TBCK: variants seen among roughly 807,000 people sequenced by gnomAD.
The protein encoded by TBCK is TBC domain-containing protein kinase-like protein.
A neutral mutation model predicts 113.4 loss-of-function variants in TBCK; 99 were observed. The observed-to-expected ratio is 0.87, with a 90% CI of 0.74 to 1.03. TBCK has a LOEUF of 1.03. TBCK is among the 50% of genes least tolerant of loss of function. TBCK has a pLI of 0.00. For synonymous variants in TBCK, 369 were observed against 370.8 expected (o/e 1.00, Z 0.05); for missense variants, 1,045 against 1,061.3 (o/e 0.98, Z 0.21).
At chr4:106,226,834 C>T (rs1464328575) in intron 19 of TBCK, among the ~76,000 whole-genome samples, 1 of 151,986 alleles carries the variant, frequency 6.6e-6, no homozygotes, top group East Asian at 1.9e-4. Flanking sequence ...TAATAAACAT[C>T]ACTGATAAGG....
chr4:106,236,892 C>G, intron 12 of TBCK, 84 bp from the exon 13 acceptor site: 2 of 694,226 alleles, frequency 2.9e-6, no homozygotes, highest in Non-Finnish European at 4.4e-6. Context: ...AGTAATATAA[C>G]AACTATAAAT....
chr4:106,201,033 T>A (rs1754827608), intron 20 of TBCK, among the ~76,000 whole-genome samples: 1 of 152,044 alleles, frequency 6.6e-6, no homozygotes, highest in African/African-American at 2.4e-5. Flanking sequence ...ATACCTATAC[T>A]TTGATAATAA....
intron 25 of TBCK, among the ~76,000 whole-genome samples, chr4:106,073,421 G>A (rs1039715701): frequency 2.0e-5 from 3 of 152,196 alleles, no homozygotes; most frequent in African/African-American, 7.2e-5. Flanking sequence ...GGTATCACCA[G>A]CGGAGGCTGA....
chr4:106,110,019 T>C (rs1251992255), intron 24 of TBCK, among the ~76,000 whole-genome samples: 1 of 152,182 alleles, frequency 6.6e-6, no homozygotes, highest in Admixed American at 6.5e-5. Context: ...TCTAGATAAG[T>C]TAGTTTATTT....
At chr4:106,075,423 A>G (rs572271582) in intron 25 of TBCK, among the ~76,000 whole-genome samples, 2 of 152,334 alleles carry the variant, frequency 1.3e-5, no homozygotes, top group African/African-American at 2.4e-5. Context: ...CTGGTTTCTG[A>G]TAAGTATGAT....
intron 3 of TBCK, among the ~76,000 whole-genome samples, chr4:106,278,892 G>A (rs1450300564): frequency 6.6e-6 from 1 of 151,756 alleles, no homozygotes; most frequent in Non-Finnish European, 1.5e-5. Flanking sequence ...ATATAGCTAA[G>A]AAGAAAAGAT....
chr4:106,276,552 CAAT>C (rs994061978), intron 3 of TBCK, among the ~76,000 whole-genome samples: 6 of 151,930 alleles, frequency 3.9e-5, no homozygotes, highest in Admixed American at 6.6e-5. Flanking sequence ...TCTCTAAATA[CAAT>C]AATAATAATA....
intron 2 of TBCK, among the ~76,000 whole-genome samples, chr4:106,298,139 T>G (rs547710874): frequency 6.6e-6 from 1 of 152,336 alleles, no homozygotes; most frequent in Non-Finnish European, 1.5e-5. Context: ...ATAATTTGTA[T>G]GCATTCTTAT....
intron 2 of TBCK, among the ~76,000 whole-genome samples, chr4:106,305,121 A>G (rs1030641884): frequency 1.3e-5 from 2 of 152,106 alleles, no homozygotes; most frequent in Non-Finnish European, 2.9e-5. Context: ...CCTACCATTA[A>G]GCATCAGAGA....
At chr4:106,215,797 G>C (rs1756818140) in intron 19 of TBCK, among the ~76,000 whole-genome samples, 1 of 151,152 alleles carries the variant, frequency 6.6e-6, no homozygotes, top group South Asian at 2.1e-4. Context: ...GTCAACATTA[G>C]ACAGATCAAC....
At chr4:106,288,776 T>C (rs983490398) in intron 3 of TBCK, among the ~76,000 whole-genome samples, 1 of 152,238 alleles carries the variant, frequency 6.6e-6, no homozygotes, top group Non-Finnish European at 1.5e-5. Flanking sequence ...CAATCCAAAA[T>C]GTTCCAAAAT....
chr4:106,217,751 C>T (rs1213393752), intron 19 of TBCK, among the ~76,000 whole-genome samples: 7 of 150,910 alleles, frequency 4.6e-5, no homozygotes. Context: ...ATTCCATGCT[C>T]ATGGGTAGGA....
At chr4:106,287,683 C>G (rs1765254224) in intron 3 of TBCK, among the ~76,000 whole-genome samples, 1 of 152,188 alleles carries the variant, frequency 6.6e-6, no homozygotes, top group African/African-American at 2.4e-5. Context: ...GTCAAGAGGC[C>G]TGTGGAAAGG....
intron 22 of TBCK, among the ~76,000 whole-genome samples, chr4:106,178,798 C>A (rs562862111): frequency 2.6e-5 from 4 of 151,658 alleles, no homozygotes; most frequent in African/African-American, 9.7e-5. Context: ...CTCTCCTCTT[C>A]ATTTTTTTTT....
chr4:106,232,879 G>A (rs985992338), intron 17 of TBCK, 59 bp downstream of exon 17: 3 of 1,509,160 alleles, frequency 2.0e-6, no homozygotes, highest in Non-Finnish European at 2.7e-6. Context: ...TTTTTTAAAT[G>A]TCAGTTATGC....
intron 20 of TBCK, among the ~76,000 whole-genome samples, chr4:106,195,204 T>G (rs1285300554): frequency 1.3e-5 from 2 of 152,112 alleles, no homozygotes; most frequent in African/African-American, 4.8e-5. Flanking sequence ...AAGGTTTTTC[T>G]TTTAACATAG....
At position 106,043,113 on chromosome 4, in the gene TBCK, CA is replaced by C. The variant is rs1733956730; in HGVS notation, c.*3456del. ...CCACGGGCCTAAAAGCTGTGCCTTT[CA>C]GGTCCTTTTCATTTCTGACATCAAA... On this transcript the variant is annotated 3_prime_UTR_variant, in exon 26 of 26. Coordinates refer to ENST00000394708, the MANE Select transcript of TBCK (RefSeq NM_001163435.3). 1 of 152,168 alleles carries C rather than the reference CA, an allele frequency of 6.6e-6. No homozygotes were observed. Among genetic ancestry groups the C allele is most frequent in the Admixed American group, 6.5e-5 (1 of 15,274 alleles). The allele number at this position is 152,168 out of a possible 1,614,324, so 9.4% of individuals were successfully genotyped here. A position where few individuals can be genotyped will look rare whatever the true frequency, so the allele number is the denominator to read the frequency against.
rs559838961 is a variant in TBCK, at chr4:106,263,179, A to AT, written c.267-968dup. On this transcript the variant is annotated intron_variant, in intron 3 of 25. Transcript: ENST00000394708. The stretch of plus-strand genomic sequence containing the variant: ...AATATTAACATTTTCCTTTCTATCC[A>AT]TTTTTTTTAAATTTTTCTAAAATTA... Among the ~76,000 whole-genome samples the AT allele has an allele frequency of 1.1e-4, 17 of 151,792 alleles. No homozygotes were observed. The South Asian group carries it at 1.9e-3, about 17-fold the overall frequency.
At position 106,308,950 on chromosome 4, in the gene TBCK, A is replaced by G. The variant is rs368009477; in HGVS notation, c.11T>C (p.Leu4Pro). The change falls in exon 2 of 26, where the codon CTG becomes CCG. Residue 4 changes from leucine (L) to proline (P), a missense_variant. Coordinates refer to ENST00000394708, the MANE Select transcript of TBCK (RefSeq NM_001163435.3). ...AAAGGCTCCCATTTCAGCGTCCTTC[A>G]GGGGAAACATTTTTGGAGTCCTAGG... Reference protein sequence around the residue: MFPLKDAEMGAFTF... With the variant: MFPPKDAEMGAFTF... 15 of 1,613,552 alleles carry G rather than the reference A, an allele frequency of 9.3e-6. No homozygotes were observed. The highest frequency in any genetic ancestry group is 1.3e-5 in the African/African-American group (1 of 74,870).
Sources: gnomAD v4.1 joint callset for allele counts (sites outside exome capture counted in the v4.1 genomes callset) on GRCh38, gnomAD v4.1.1 for gene constraint, MANE v1.5 for transcripts, NCBI Gene and HGNC (gene_info 2026-07-23, HGNC 2026-07-21) for gene names.